Variants in OPCML observed in about 807,000 individuals in gnomAD.
The protein encoded by OPCML is opioid binding protein/cell adhesion molecule like.
A neutral mutation model predicts 37.8 loss-of-function variants in OPCML; 13 were observed. That is an observed-to-expected ratio of 0.34 (90% CI 0.22 to 0.55). The LOEUF is 0.55. Among genes scored for constraint, OPCML ranks in the 20% least tolerant of loss-of-function variants. The probability of loss-of-function intolerance (pLI) is 0.91; values close to 1 mark genes in which losing one functional copy is unlikely to be tolerated. For missense variants in OPCML, 341 were observed against 435.6 expected (o/e 0.78, Z 1.93); for synonymous variants, 176 against 168.8 (o/e 1.04, Z -0.33).
At chr11:133,289,933 C>A (rs1410879568) in intron 1 of OPCML, among the ~76,000 whole-genome samples, 3 of 152,152 alleles carry the variant, frequency 2.0e-5, no homozygotes, top group Admixed American at 6.5e-5. Flanking sequence ...GCTGTTCTGA[C>A]CCGGCCATCT....
At chr11:132,518,282 T>C (rs569610134) in intron 4 of OPCML, among the ~76,000 whole-genome samples, 1 of 152,224 alleles carries the variant, frequency 6.6e-6, no homozygotes, top group South Asian at 2.1e-4. Context: ...TGTGCCCATG[T>C]ATTCTCATTG....
At chr11:133,087,153 G>C (rs1948829619) in intron 1 of OPCML, among the ~76,000 whole-genome samples, 1 of 152,218 alleles carries the variant, frequency 6.6e-6, no homozygotes, top group African/African-American at 2.4e-5. Flanking sequence ...GCTGGTTAGT[G>C]AGAGCTGAGG....
At chr11:133,114,141 T>A (rs1209662689) in intron 1 of OPCML, among the ~76,000 whole-genome samples, 6 of 152,178 alleles carry the variant, frequency 3.9e-5, no homozygotes, top group African/African-American at 1.4e-4. Flanking sequence ...ACAGAAATCT[T>A]ATGCGACAGT....
chr11:133,060,672 G>A (rs189274279), intron 1 of OPCML, among the ~76,000 whole-genome samples: 1 of 152,240 alleles, frequency 6.6e-6, no homozygotes, highest in Non-Finnish European at 1.5e-5. Flanking sequence ...GGGAAGGCAG[G>A]TGCCTCATTC....
At chr11:132,804,949 T>C (rs769114376) in intron 2 of OPCML, among the ~76,000 whole-genome samples, 3 of 152,212 alleles carry the variant, frequency 2.0e-5, no homozygotes, top group Non-Finnish European at 4.4e-5. Context: ...TGAACCCAGA[T>C]GTTAGAGTTA....
chr11:133,386,083 A>G (rs1043327647), intron 1 of OPCML, among the ~76,000 whole-genome samples: 1 of 152,206 alleles, frequency 6.6e-6, no homozygotes, highest in African/African-American at 2.4e-5. Context: ...TAATGAGCTG[A>G]AGTGTGAGAA....
chr11:133,281,306 G>C (rs1942148388), intron 1 of OPCML, among the ~76,000 whole-genome samples: 1 of 152,068 alleles, frequency 6.6e-6, no homozygotes, highest in African/African-American at 2.4e-5. Context: ...GAATGGCTTG[G>C]TGCTGTTCTT....
intron 1 of OPCML, among the ~76,000 whole-genome samples, chr11:133,186,661 T>A (rs904881207): frequency 6.6e-6 from 1 of 152,210 alleles, no homozygotes; most frequent in Non-Finnish European, 1.5e-5. Context: ...ACTTAGGACA[T>A]GTATATTATG....
chr11:132,424,030 T>C (rs1268599675), intron 7 of OPCML, among the ~76,000 whole-genome samples: 1 of 152,166 alleles, frequency 6.6e-6, no homozygotes, highest in Non-Finnish European at 1.5e-5. Flanking sequence ...TTTCAATATA[T>C]AGGGTCAGAA....
intron 1 of OPCML, chr11:133,008,987 A>G (rs2136868909): frequency 1.0e-6 from 1 of 985,452 alleles, no homozygotes. Context: ...ATGGACATGG[A>G]CTGACATGGA....
Position 133,004,399 on chromosome 11 carries a change from G to A in OPCML, c.62-61389C>T, listed in dbSNP as rs565836393. The A allele has an allele frequency of 9.6e-5, 95 of 985,452 alleles. 1 individual carries two copies. In the South Asian group the frequency reaches 3.9e-3, roughly 40 times the overall value. 61.0% of individuals were successfully genotyped at this position (985,452 alleles called of 1,614,324 possible). On this transcript the variant is annotated intron_variant, in intron 1 of 7. Coordinates refer to ENST00000524381, the MANE Select transcript of OPCML (RefSeq NM_001012393.5). The stretch of plus-strand genomic sequence containing the variant: ...TCTCTCTTCAGAGGAAGTTGGAATC[G>A]TGTCTATCATCTGGCAATTGACAGC...
intron 2 of OPCML, among the ~76,000 whole-genome samples, chr11:132,846,525 G>C (rs2136316988): frequency 6.6e-6 from 1 of 152,270 alleles, no homozygotes; most frequent in Admixed American, 6.5e-5. Context: ...TTAAGAATTA[G>C]AGGAAGTCTA....
chr11:133,477,886 G>C (rs1947279640), intron 1 of OPCML, among the ~76,000 whole-genome samples: 1 of 152,184 alleles, frequency 6.6e-6, no homozygotes, highest in Non-Finnish European at 1.5e-5. Flanking sequence ...CCAAAGACGA[G>C]ATTTTATCTG....
chr11:132,943,348 T>TGGGGAGGAGGGAGGCGGCCAGGAGG lies in OPCML; in HGVS notation c.62-363_62-339dup. 1.8e-6 allele frequency: 1 copy of TGGGGAGGAGGGAGGCGGCCAGGAGG among 548,600 alleles called. No homozygotes were observed. Among genetic ancestry groups the TGGGGAGGAGGGAGGCGGCCAGGAGG allele is most frequent in the Non-Finnish European group, 3.2e-6 (1 of 311,642 alleles). The allele number at this position is 548,600 out of a possible 1,614,324, so 34.0% of individuals were successfully genotyped here. On this transcript the variant is annotated intron_variant, in intron 1 of 7. Coordinates refer to ENST00000524381, the MANE Select transcript of OPCML (RefSeq NM_001012393.5). The surrounding 1 kb of genome is among the most constrained non-coding windows in gnomAD (Gnocchi z 4.3). ...AAAAAGAGCTTTCTTGACGCTCCCC[T>TGGGGAGGAGGGAGGCGGCCAGGAGG]GGGGAGGAGGGAGGCGGCCAGGAGG...
At chr11:132,878,709 A>ATCT (rs1043439793) in intron 2 of OPCML, among the ~76,000 whole-genome samples, 1 of 149,230 alleles carries the variant, frequency 6.7e-6, no homozygotes, top group African/African-American at 2.4e-5. Flanking sequence ...GAGAGTGTCT[A>ATCT]TCTGTCTATC....
At chr11:132,646,284 A>C (rs1306492766) in intron 3 of OPCML, among the ~76,000 whole-genome samples, 1 of 152,208 alleles carries the variant, frequency 6.6e-6, no homozygotes, top group East Asian at 1.9e-4. Context: ...TGGAAACAAA[A>C]ATTTAAAAAG....
At chr11:132,782,111 T>C (rs1300524802) in intron 2 of OPCML, among the ~76,000 whole-genome samples, 1 of 151,968 alleles carries the variant, frequency 6.6e-6, no homozygotes, top group Non-Finnish European at 1.5e-5. Context: ...GGTTTTATTT[T>C]TCCCTCAGAA....
chr11:133,025,957 A>T (rs1316204638), intron 1 of OPCML: 2 of 505,978 alleles, frequency 4.0e-6, no homozygotes, highest in Non-Finnish European at 5.1e-6. Flanking sequence ...GTGGTCTCGA[A>T]CTCCTGACCT....
At chr11:133,235,995 T>C (rs1940496874) in intron 1 of OPCML, among the ~76,000 whole-genome samples, 1 of 152,188 alleles carries the variant, frequency 6.6e-6, no homozygotes, top group Non-Finnish European at 1.5e-5. Flanking sequence ...AGAATGGTAG[T>C]AAAACGTTAT....
Sources: gnomAD v4.1 joint callset for allele counts (sites outside exome capture counted in the v4.1 genomes callset) on GRCh38, gnomAD v4.1.1 for gene constraint, Gnocchi (gnomAD v3.1) non-coding constraint, MANE v1.5 for transcripts, NCBI Gene and HGNC (gene_info 2026-07-23, HGNC 2026-07-21) for gene names.